Variants in SH3GL2 observed in about 807,000 individuals in gnomAD.
SH3GL2 encodes SH3 domain containing GRB2 like 2, endophilin A1, also known as endophilin-A1.
SH3GL2 carries 24 observed loss-of-function variants against 46.0 expected under a neutral mutation model. The observed-to-expected ratio is 0.52, with a 90% CI of 0.38 to 0.73. The LOEUF (loss-of-function observed/expected upper bound fraction) is 0.73. Ranked by LOEUF, SH3GL2 falls within the 30% of genes least tolerant of loss-of-function variation. SH3GL2 has a pLI of 0.00. For synonymous variants in SH3GL2, 196 were observed against 147.1 expected (o/e 1.33, Z -2.40); for missense variants, 413 against 424.2 (o/e 0.97, Z 0.23).
chr9:17,637,899 G>A (rs1476895644), intron 1 of SH3GL2, among the ~76,000 whole-genome samples: 1 of 152,178 alleles, frequency 6.6e-6, no homozygotes, highest in Non-Finnish European at 1.5e-5. Flanking sequence ...GCTCAAGCCT[G>A]TAATCCCAGC....
At chr9:17,642,091 C>T (rs192842009) in intron 1 of SH3GL2, among the ~76,000 whole-genome samples, 239 of 151,760 alleles carry the variant, frequency 1.6e-3, no homozygotes, top group African/African-American at 5.6e-3. Flanking sequence ...TCCACATCCT[C>T]GCCAGCATCT....
intron 3 of SH3GL2, among the ~76,000 whole-genome samples, chr9:17,769,237 A>C (rs9406704): frequency 0.11 from 16,849 of 152,238 alleles, 1,024 homozygotes; most frequent in African/African-American, 0.13. Context: ...GTTGCTTGTC[A>C]CTGCTACCGA....
intron 1 of SH3GL2, among the ~76,000 whole-genome samples, chr9:17,614,297 A>G (rs868750983): frequency 0.083 from 10,587 of 128,122 alleles, 606 homozygotes; most frequent in Middle Eastern, 0.15. Flanking sequence ...TGGTTTCTGA[A>G]AAAAAAAAAA....
intron 1 of SH3GL2, among the ~76,000 whole-genome samples, chr9:17,596,693 A>G (rs555830330): frequency 2.0e-5 from 3 of 152,338 alleles, no homozygotes; most frequent in East Asian, 3.9e-4. Flanking sequence ...GCAGGCTTCT[A>G]TTTTGAAGAC....
intron 1 of SH3GL2, among the ~76,000 whole-genome samples, chr9:17,698,104 T>G (rs763513056): frequency 1.1e-4 from 16 of 152,202 alleles, no homozygotes; most frequent in Non-Finnish European, 1.6e-4. Context: ...CTGCTGATTT[T>G]AGAAGAAGTG....
At chr9:17,726,352 T>C (rs1032954245) in intron 1 of SH3GL2, among the ~76,000 whole-genome samples, 1 of 152,170 alleles carries the variant, frequency 6.6e-6, no homozygotes, top group Non-Finnish European at 1.5e-5. Context: ...TCCAGTAATA[T>C]GAATGCTACT....
intron 1 of SH3GL2, among the ~76,000 whole-genome samples, chr9:17,743,141 A>G (rs1214747624): frequency 6.6e-6 from 1 of 152,210 alleles, no homozygotes; most frequent in Non-Finnish European, 1.5e-5. Context: ...ATCCTTATGC[A>G]TAAAACAAAA....
chr9:17,712,235 G>C (rs1236662576), intron 1 of SH3GL2, among the ~76,000 whole-genome samples: 6 of 151,626 alleles, frequency 4.0e-5, no homozygotes, highest in African/African-American at 1.2e-4. Context: ...AGATATGCTT[G>C]TAAATATTTT....
chr9:17,746,735 A>G (rs1321986718), intron 1 of SH3GL2, among the ~76,000 whole-genome samples: 1 of 152,204 alleles, frequency 6.6e-6, no homozygotes, highest in African/African-American at 2.4e-5. Flanking sequence ...TGATTATTGT[A>G]TGATGCTGTT....
At chr9:17,746,838 A>T (rs989158203) in intron 1 of SH3GL2, among the ~76,000 whole-genome samples, 1 of 152,206 alleles carries the variant, frequency 6.6e-6, no homozygotes, top group African/African-American at 2.4e-5. Flanking sequence ...AAATCAGAAG[A>T]TACAAATTTG....
chr9:17,789,250 T>G, intron 5 of SH3GL2, 142 bp from the exon 6 acceptor site: 1 of 634,730 alleles, frequency 1.6e-6, no homozygotes, highest in South Asian at 2.1e-5. Flanking sequence ...TGATGCATGT[T>G]TCTTTATTTC....
rs772693670 is a variant in SH3GL2, at chr9:17,761,429, C to T, written c.115-8C>T. ...TTGTCATTTAGAGCACTTATTTTCT[C>T]ATTTCAGAAAGTGGATGTCACCAGC... is the stretch of plus-strand genomic sequence containing the variant. On this transcript the variant is annotated splice_region_variant and splice_polypyrimidine_tract_variant and intron_variant, in intron 2 of 8. Transcript: ENST00000380607. The T allele has an allele frequency of 2.1e-5, 33 of 1,583,984 alleles. No homozygotes were observed. In the Admixed American group the frequency reaches 5.3e-4, roughly 26 times the overall value.
intron 1 of SH3GL2, among the ~76,000 whole-genome samples, chr9:17,627,177 G>A (rs931482846): frequency 3.9e-5 from 6 of 152,176 alleles, no homozygotes; most frequent in South Asian, 2.1e-4. Context: ...GGAATAAAAC[G>A]TCAGCTGCTG....
chr9:17,642,714 A>G (rs758376988), intron 1 of SH3GL2, among the ~76,000 whole-genome samples: 10 of 152,076 alleles, frequency 6.6e-5, no homozygotes, highest in Non-Finnish European at 1.3e-4. Context: ...TGGTCCATAT[A>G]TCTGTTTTGG....
intron 1 of SH3GL2, among the ~76,000 whole-genome samples, chr9:17,745,756 G>C (rs958937847): frequency 6.6e-6 from 1 of 152,118 alleles, no homozygotes; most frequent in African/African-American, 2.4e-5. Context: ...GGGGCCCTTT[G>C]GAATGAGGTA....
chr9:17,795,628 A>C lies in SH3GL2; in HGVS notation c.944A>C (p.Asp315Ala). The change falls in exon 9 of 9, where the codon GAT becomes GCT. Residue 315 changes from aspartate to alanine, a missense_variant. This residue lies in a region of SH3GL2 where 248 missense variants were observed against 215.0 expected (regional missense o/e 1.15). Coordinates refer to ENST00000380607, the MANE Select transcript of SH3GL2 (RefSeq NM_003026.5). ...NEGELGFKEG[D>A]IITLTNQIDE... ...GGGGAGTTGGGATTTAAAGAGGGCG[A>C]TATCATCACACTCACTAACCAAATT... 1 of 1,614,018 alleles carries C rather than the reference A, an allele frequency of 6.2e-7. No individual in the cohort carries two copies. Among genetic ancestry groups the C allele is most frequent in the Non-Finnish European group, 8.5e-7 (1 of 1,179,890 alleles).
chr9:17,685,529 A>G (rs958721059), intron 1 of SH3GL2, among the ~76,000 whole-genome samples: 2 of 152,088 alleles, frequency 1.3e-5, no homozygotes, highest in African/African-American at 4.8e-5. Context: ...AGGATCCATT[A>G]TTAGAATTGT....
At chr9:17,753,568 A>G (rs1235801894) in intron 2 of SH3GL2, among the ~76,000 whole-genome samples, 1 of 151,964 alleles carries the variant, frequency 6.6e-6, no homozygotes, top group Non-Finnish European at 1.5e-5. Flanking sequence ...TAGATGCTGG[A>G]TATTAGACCT....
intron 1 of SH3GL2, among the ~76,000 whole-genome samples, chr9:17,596,083 C>T (rs1251309855): frequency 6.6e-6 from 1 of 152,088 alleles, no homozygotes; most frequent in Non-Finnish European, 1.5e-5. Flanking sequence ...ATTTTAGGAG[C>T]CATCACGGGG....
Sources: gnomAD v4.1 joint callset for allele counts (sites outside exome capture counted in the v4.1 genomes callset) on GRCh38, gnomAD v4.1.1 for gene constraint, gnomAD v4.1.1 regional missense constraint, MANE v1.5 for transcripts, NCBI Gene and HGNC (gene_info 2026-07-23, HGNC 2026-07-21) for gene names.